SHISA6: variants seen among roughly 807,000 people sequenced by gnomAD.
SHISA6 encodes shisa family member 6.
SHISA6 carries 22 observed loss-of-function variants against 47.9 expected under a neutral mutation model. The ratio of observed to expected loss-of-function variants is 0.46; its 90% CI spans 0.33 to 0.66. SHISA6 has a LOEUF of 0.66. Ranked by LOEUF, SHISA6 falls within the 30% of genes least tolerant of loss-of-function variation. The pLI is 0.02. For synonymous variants in SHISA6, 388 were observed against 337.8 expected, an observed-to-expected ratio of 1.15 and a Z score of -1.63; for missense variants, 680 against 764.6, an observed-to-expected ratio of 0.89 and a Z score of 1.30.
intron 3 of SHISA6, among the ~76,000 whole-genome samples, chr17:11,394,703 G>A (rs1332310796): frequency 6.6e-6 from 1 of 151,668 alleles, no homozygotes; most frequent in Non-Finnish European, 1.5e-5. Context: ...TTTTTATTTA[G>A]AAACAATTTC....
chr17:11,376,872 G>A (rs1465954785), intron 2 of SHISA6, among the ~76,000 whole-genome samples: 5 of 152,166 alleles, frequency 3.3e-5, no homozygotes, highest in African/African-American at 9.6e-5. Flanking sequence ...TACTAAATCC[G>A]GGATTCTGGA....
chr17:11,484,052 C>T (rs1916284098), intron 3 of SHISA6, among the ~76,000 whole-genome samples: 2 of 152,116 alleles, frequency 1.3e-5, no homozygotes, highest in Non-Finnish European at 2.9e-5. Flanking sequence ...GAAGTAAAAA[C>T]ATATTTACAA....
intron 2 of SHISA6, among the ~76,000 whole-genome samples, chr17:11,332,369 C>T (rs1184034699): frequency 6.6e-6 from 1 of 152,152 alleles, no homozygotes; most frequent in Non-Finnish European, 1.5e-5. Flanking sequence ...GGACAACTTG[C>T]TTTCTGTCCG....
intron 2 of SHISA6, among the ~76,000 whole-genome samples, chr17:11,265,981 G>T (rs952302817): frequency 3.3e-5 from 5 of 152,214 alleles, no homozygotes; most frequent in African/African-American, 1.2e-4. Context: ...TGCGCTTAGA[G>T]ATGGGAATAG....
At chr17:11,307,713 C>T (rs375021193) in intron 2 of SHISA6, among the ~76,000 whole-genome samples, 14 of 152,160 alleles carry the variant, frequency 9.2e-5, no homozygotes, top group African/African-American at 3.4e-4. Context: ...AAAGTCTATG[C>T]TCTCATGAAG....
At chr17:11,243,190 A>G (rs1429468734) in intron 1 of SHISA6, among the ~76,000 whole-genome samples, 1 of 151,534 alleles carries the variant, frequency 6.6e-6, no homozygotes, top group Non-Finnish European at 1.5e-5. Flanking sequence ...CCTGCTTGTT[A>G]TTCTTACCAC....
At chr17:11,424,563 A>G (rs1189451750) in intron 3 of SHISA6, among the ~76,000 whole-genome samples, 1 of 152,216 alleles carries the variant, frequency 6.6e-6, no homozygotes, top group African/African-American at 2.4e-5. Context: ...ATACTGAAGT[A>G]TCAACTCTTT....
At chr17:11,378,491 C>T (rs556490636) in intron 2 of SHISA6, among the ~76,000 whole-genome samples, 1 of 152,324 alleles carries the variant, frequency 6.6e-6, no homozygotes, top group Non-Finnish European at 1.5e-5. Flanking sequence ...TTAATACACT[C>T]TTTTGGTAAC....
chr17:11,420,853 T>C (rs1914433472), intron 3 of SHISA6, among the ~76,000 whole-genome samples: 1 of 152,202 alleles, frequency 6.6e-6, no homozygotes, highest in African/African-American at 2.4e-5. Context: ...ACCAGGATAT[T>C]GACAGAGGGT....
At chr17:11,484,142 C>T (rs1916286608) in intron 3 of SHISA6, among the ~76,000 whole-genome samples, 1 of 152,086 alleles carries the variant, frequency 6.6e-6, no homozygotes, top group South Asian at 2.1e-4. Flanking sequence ...TGAATTATCC[C>T]TTCATCTCAG....
chr17:11,368,235 A>G (rs1457450198), intron 2 of SHISA6, among the ~76,000 whole-genome samples: 1 of 152,222 alleles, frequency 6.6e-6, no homozygotes, highest in Non-Finnish European at 1.5e-5. Context: ...CAGGGATCAC[A>G]GAATCACAGA....
intron 3 of SHISA6, among the ~76,000 whole-genome samples, chr17:11,494,798 G>A (rs752020258): frequency 2.8e-4 from 42 of 152,184 alleles, no homozygotes; most frequent in Non-Finnish European, 5.1e-4. Flanking sequence ...TCCTCAGGTG[G>A]AGCAGTTCTC....
intron 3 of SHISA6, among the ~76,000 whole-genome samples, chr17:11,522,319 A>G (rs941291160): frequency 6.6e-6 from 1 of 152,046 alleles, no homozygotes; most frequent in Non-Finnish European, 1.5e-5. Context: ...ACTGGAGTGC[A>G]GTTGCATGAT....
At chr17:11,526,255 G>A (rs1158043587) in intron 3 of SHISA6, among the ~76,000 whole-genome samples, 1 of 152,282 alleles carries the variant, frequency 6.6e-6, no homozygotes, top group South Asian at 2.1e-4. Context: ...GCATGGGAGG[G>A]AGCTGGAGAT....
At chr17:11,286,579 A>G (rs1909308156) in intron 2 of SHISA6, among the ~76,000 whole-genome samples, 1 of 152,146 alleles carries the variant, frequency 6.6e-6, no homozygotes, top group African/African-American at 2.4e-5. Flanking sequence ...TGTAAGGAAA[A>G]TCGTAGCTGT....
chr17:11,505,211 T>G (rs896209181), intron 3 of SHISA6, among the ~76,000 whole-genome samples: 2 of 152,232 alleles, frequency 1.3e-5, no homozygotes, highest in Non-Finnish European at 2.9e-5. Context: ...GAGTTTATAA[T>G]TATTACCTCT....
At chr17:11,401,796 A>C (rs1480829843) in intron 3 of SHISA6, among the ~76,000 whole-genome samples, 1 of 152,214 alleles carries the variant, frequency 6.6e-6, no homozygotes, top group Non-Finnish European at 1.5e-5. Flanking sequence ...GCTGCACAGA[A>C]CATGCAACCT....
At chr17:11,526,000 C>A (rs1210514759) in intron 3 of SHISA6, among the ~76,000 whole-genome samples, 1 of 136,062 alleles carries the variant, frequency 7.3e-6, no homozygotes, top group African/African-American at 2.8e-5. Context: ...CAAGCGAGAC[C>A]CTATCTTAAA....
At chr17:11,502,132 G>A (rs2969187) in intron 3 of SHISA6, among the ~76,000 whole-genome samples, 60,413 of 151,886 alleles carry the variant, frequency 0.4, 12,085 homozygotes, top group East Asian at 0.54. Context: ...AAAACAGGCC[G>A]GGCGCGGTGG....
Sources: gnomAD v4.1 joint callset for allele counts (sites outside exome capture counted in the v4.1 genomes callset) on GRCh38, gnomAD v4.1.1 for gene constraint, MANE v1.5 for transcripts, NCBI Gene and HGNC (gene_info 2026-07-23, HGNC 2026-07-21) for gene names.